OLFM3: variants seen among roughly 807,000 people sequenced by gnomAD.
The protein encoded by OLFM3 is olfactomedin 3.
In OLFM3, 20 loss-of-function variants were observed where a neutral mutation model predicts 48.6. The ratio of observed to expected loss-of-function variants is 0.41; its 90% confidence interval spans 0.29 to 0.60. The LOEUF (loss-of-function observed/expected upper bound fraction) is 0.60. Among genes scored for constraint, OLFM3 ranks in the 20% least tolerant of loss-of-function variants. The probability of loss-of-function intolerance (pLI) is 0.28; values close to 1 mark genes in which losing one functional copy is unlikely to be tolerated. For synonymous variants in OLFM3, 222 were observed against 198.1 expected, an observed-to-expected ratio of 1.12 and a Z score of -1.01; for missense variants, 437 against 544.3, an observed-to-expected ratio of 0.80 and a Z score of 1.96.
chr1:101,935,469 T>G (rs920579389), intron 1 of OLFM3, among the ~76,000 whole-genome samples: 1 of 151,992 alleles, frequency 6.6e-6, no homozygotes, highest in Non-Finnish European at 1.5e-5. Context: ...GTTCCAAAAT[T>G]GAATCAGTAA....
chr1:101,821,145 A>T (rs1222013352), intron 4 of OLFM3, among the ~76,000 whole-genome samples: 1 of 152,086 alleles, frequency 6.6e-6, no homozygotes, highest in Non-Finnish European at 1.5e-5. Context: ...ATATATGGAT[A>T]ATTGGGTATT....
At chr1:101,846,818 A>T (rs1162546123) in intron 1 of OLFM3, 1 of 1,565,362 alleles carries the variant, frequency 6.4e-7, no homozygotes, top group East Asian at 2.2e-5. Context: ...ACTTCTCAAG[A>T]TGGCCAAACC....
At chr1:101,826,432 A>G (rs1205897426) in intron 3 of OLFM3, among the ~76,000 whole-genome samples, 2 of 152,212 alleles carry the variant, frequency 1.3e-5, no homozygotes, top group Non-Finnish European at 2.9e-5. Context: ...TAATACATAG[A>G]TGCTGTCAGA....
At chr1:101,868,329 T>C (rs1263649119) in intron 1 of OLFM3, among the ~76,000 whole-genome samples, 2 of 152,174 alleles carry the variant, frequency 1.3e-5, no homozygotes, top group Non-Finnish European at 2.9e-5. Context: ...TTGACCCAAA[T>C]GCAGATAGTG....
intron 1 of OLFM3, among the ~76,000 whole-genome samples, chr1:101,895,998 TAATAATAA>T (rs1205953936): frequency 1.3e-5 from 2 of 149,952 alleles, no homozygotes; most frequent in Non-Finnish European, 1.5e-5. Context: ...ATAATAATAA[TAATAATAA>T]AAGTATGCAT....
chr1:101,827,035 T>C (rs1049133590), intron 3 of OLFM3, among the ~76,000 whole-genome samples: 12 of 152,236 alleles, frequency 7.9e-5, no homozygotes, highest in African/African-American at 2.9e-4. Flanking sequence ...TGAAAACTTA[T>C]ATGAGAGCAT....
intron 1 of OLFM3, among the ~76,000 whole-genome samples, chr1:101,880,515 T>C (rs926289234): frequency 6.6e-6 from 1 of 151,780 alleles, no homozygotes; most frequent in Non-Finnish European, 1.5e-5. Flanking sequence ...TGATAAACTG[T>C]ATGTAGTTTT....
At chr1:101,975,460 G>A (rs376652614) in intron 1 of OLFM3, among the ~76,000 whole-genome samples, 4 of 151,860 alleles carry the variant, frequency 2.6e-5, no homozygotes, top group South Asian at 2.1e-4. Flanking sequence ...TTTTTGCGGC[G>A]GGTAGAGAAA....
At chr1:101,895,835 G>T (rs1300958725) in intron 1 of OLFM3, among the ~76,000 whole-genome samples, 1 of 152,040 alleles carries the variant, frequency 6.6e-6, no homozygotes, top group Non-Finnish European at 1.5e-5. Flanking sequence ...TTCAGTGTTT[G>T]TATGAATGTG....
intron 1 of OLFM3, among the ~76,000 whole-genome samples, chr1:101,930,033 A>C (rs1292463854): frequency 6.6e-6 from 1 of 152,128 alleles, no homozygotes; most frequent in Admixed American, 6.6e-5. Context: ...AGAGAATGAA[A>C]AGGGACCTTG....
chr1:101,846,554 TA>T (rs1434230667), intron 1 of OLFM3, among the ~76,000 whole-genome samples: 1 of 151,620 alleles, frequency 6.6e-6, no homozygotes, highest in Non-Finnish European at 1.5e-5. Context: ...TATATATATA[TA>T]TTTTTAAGAA....
At chr1:101,866,297 G>A (rs1656852599) in intron 1 of OLFM3, among the ~76,000 whole-genome samples, 2 of 151,972 alleles carry the variant, frequency 1.3e-5, no homozygotes, top group Admixed American at 1.3e-4. Flanking sequence ...GTATTTTTGA[G>A]TTGGTATTAA....
At chr1:101,936,530 C>T (rs1465578235) in intron 1 of OLFM3, among the ~76,000 whole-genome samples, 4 of 152,118 alleles carry the variant, frequency 2.6e-5, no homozygotes, top group African/African-American at 7.2e-5. Flanking sequence ...GACCATACTG[C>T]CAAAACCTGT....
chr1:101,913,154 T>C (rs1658813901), intron 1 of OLFM3, among the ~76,000 whole-genome samples: 1 of 152,174 alleles, frequency 6.6e-6, no homozygotes, highest in Non-Finnish European at 1.5e-5. Flanking sequence ...TATAAAGAAA[T>C]AATTATACAT....
intron 1 of OLFM3, among the ~76,000 whole-genome samples, chr1:101,990,666 A>G (rs1661372920): frequency 6.6e-6 from 1 of 152,100 alleles, no homozygotes; most frequent in Non-Finnish European, 1.5e-5. Context: ...AAATATTGTC[A>G]TAATAGCATT....
intron 1 of OLFM3, among the ~76,000 whole-genome samples, chr1:101,983,014 G>T (rs1157240514): frequency 6.6e-6 from 1 of 152,096 alleles, no homozygotes; most frequent in East Asian, 1.9e-4. Context: ...CTTTCACCTT[G>T]TTTGGAGTTA....
intron 3 of OLFM3, among the ~76,000 whole-genome samples, chr1:101,828,024 C>CTG (rs1557691326): frequency 9.5e-6 from 1 of 105,246 alleles, no homozygotes; most frequent in Admixed American, 9.1e-5. Context: ...CTCTCTCTCT[C>CTG]TCTCTCTCTG....
chr1:101,915,474 A>T lies in OLFM3; in HGVS notation c.70-78449T>A, dbSNP rs113425413. Among the ~76,000 whole-genome samples the T allele has an allele frequency of 2.3e-3, 348 of 152,204 alleles. 2 individuals are homozygous for T. The highest frequency in any genetic ancestry group is 8.0e-3 in the African/African-American group (332 of 41,510). On this transcript the variant is annotated intron_variant, in intron 1 of 5. Coordinates refer to ENST00000370103, the MANE Select transcript of OLFM3 (RefSeq NM_058170.4). ...TGAAACAATGAAGCACTTTATCTTAAAATTCCTTATTTTTAATAGCTAGAT... is the reference window on the plus strand; with the variant it reads ...TGAAACAATGAAGCACTTTATCTTATAATTCCTTATTTTTAATAGCTAGAT...
chr1:101,883,505 T>C (rs556224580), intron 1 of OLFM3, among the ~76,000 whole-genome samples: 1 of 151,966 alleles, frequency 6.6e-6, no homozygotes, highest in Admixed American at 6.6e-5. Context: ...CTATTGTATA[T>C]TTCAGAATCC....
Sources: gnomAD v4.1 joint callset for allele counts (sites outside exome capture counted in the v4.1 genomes callset) on GRCh38, gnomAD v4.1.1 for gene constraint, MANE v1.5 for transcripts, NCBI Gene and HGNC (gene_info 2026-07-23, HGNC 2026-07-21) for gene names.